POLG: variants seen among roughly 807,000 people sequenced by gnomAD.
POLG encodes the protein DNA polymerase gamma, catalytic subunit.
A neutral mutation model predicts 155.4 loss-of-function variants in POLG; 110 were observed. The ratio of observed to expected loss-of-function variants is 0.71; its 90% confidence interval spans 0.61 to 0.83. The LOEUF (loss-of-function observed/expected upper bound fraction) is 0.83, where lower values mean the gene tolerates loss of function less well. POLG is among the 40% of genes least tolerant of loss of function. The probability of loss-of-function intolerance (pLI) is 0.00; values close to 1 mark genes in which losing one functional copy is unlikely to be tolerated. For synonymous variants in POLG, 701 were observed against 631.5 expected (o/e 1.11, Z -1.65); for missense variants, 1,685 against 1,627.5 (o/e 1.04, Z -0.61).
Position 89,327,280 on chromosome 15 carries a change from G to A in POLG, c.1320C>T (p.Asn440=), listed in dbSNP as rs369593231. 37 of 1,614,214 alleles carry A rather than the reference G, an allele frequency of 2.3e-5. No individual in the cohort carries two copies. The African/African-American group carries it at 4.0e-4, about 17-fold the overall frequency. The part of the protein sequence containing the change: ...MGVSYLPVNQ[N]WERYLAEAQG... ...GTGCCTCTGCCAGGTAACGCTCCCAGTTCTGGTTGACAGGCAGGTAGGAGA... is the reference window on the plus strand; with the variant it reads ...GTGCCTCTGCCAGGTAACGCTCCCAATTCTGGTTGACAGGCAGGTAGGAGA... The change falls in exon 7 of 23, where the codon AAC becomes AAT. Residue 440 remains asparagine (N), a synonymous_variant. Coordinates refer to ENST00000268124, the MANE Select transcript of POLG (RefSeq NM_002693.3).
intron 22 of POLG, 82 bp downstream of exon 22, chr15:89,317,294 C>T: frequency 6.9e-7 from 1 of 1,449,432 alleles, no homozygotes; most frequent in South Asian, 1.2e-5. Context: ...CTCTGGGGCC[C>T]CAAGTTTCCT....
intron 1 of POLG, chr15:89,334,420 G>C (rs929928154): frequency 6.6e-6 from 1 of 151,680 alleles, no homozygotes; most frequent in Non-Finnish European, 1.5e-5. Context: ...ATTCGAACCC[G>C]CAGGGTGGGC....
rs1567189486 is a variant in POLG, at chr15:89,325,133, AGTG to A, written c.1949+314_1949+316del. Among the ~76,000 whole-genome samples, 35 of 73,796 alleles carry A rather than the reference AGTG, an allele frequency of 4.7e-4. 5 individuals are homozygous for A. The highest frequency in any genetic ancestry group is 1.7e-3 in the African/African-American group (30 of 17,772). 48.4% of individuals were successfully genotyped at this position (73,796 alleles called of 152,430 possible). On this transcript the variant is annotated intron_variant, in intron 10 of 22. Transcript: ENST00000268124. ...GAGAGAGTGAGTGAGTGAGTGAGAG[AGTG>A]AGTGAGAGAGTGAGTGAGTGAGTGA...
At chr15:89,316,881 G>A (rs896704748) in intron 22 of POLG, 54 bp from the exon 23 acceptor site, 7 of 1,292,902 alleles carry the variant, frequency 5.4e-6, no homozygotes, top group East Asian at 2.3e-5. Flanking sequence ...GTAACTGAGA[G>A]CTCAGAAGTG....
Position 89,323,396 on chromosome 15 carries a change from G to A in POLG, c.2265+8C>T, listed in dbSNP as rs1268070075. The A allele has an allele frequency of 6.3e-7, 1 of 1,583,478 alleles. No individual in the cohort carries two copies. The highest frequency in any genetic ancestry group is 1.1e-5 in the South Asian group (1 of 90,342). ...ACACCACAGGACAGGCCATGACCCA[G>A]GACACACCTTGTGAGGCAGCTTGAA... is the stretch of plus-strand genomic sequence containing the variant. On this transcript the variant is annotated splice_region_variant and intron_variant, in intron 13 of 22. Transcript: ENST00000268124.
At chr15:89,316,894 C>T in intron 22 of POLG, 67 bp from the exon 23 acceptor site, 1 of 1,147,198 alleles carries the variant, frequency 8.7e-7, no homozygotes, top group African/African-American at 1.5e-5. Flanking sequence ...CAGAAGTGAG[C>T]AAAGGAGCTT....
At chr15:89,329,548 T>G (rs1052539877) in intron 3 of POLG, among the ~76,000 whole-genome samples, 17 of 152,322 alleles carry the variant, frequency 1.1e-4, no homozygotes, top group Non-Finnish European at 1.9e-4. Flanking sequence ...TGCTCTCCCC[T>G]GCCTGGCCTA....
intron 21 of POLG, 71 bp from the exon 22 acceptor site, chr15:89,317,607 G>A: frequency 6.9e-7 from 1 of 1,447,086 alleles, no homozygotes; most frequent in East Asian, 2.3e-5. Context: ...CTGGAGCAAT[G>A]ACCCCACACC....
At position 89,328,842 on chromosome 15, in the gene POLG, A is replaced by G. The variant is rs111879000; in HGVS notation, c.1024-11T>C. 4 of 1,614,080 alleles carry G rather than the reference A, an allele frequency of 2.5e-6. No individual in the cohort carries two copies. The highest frequency in any genetic ancestry group is 3.4e-6 in the Non-Finnish European group (4 of 1,180,040). On this transcript the variant is annotated splice_polypyrimidine_tract_variant and intron_variant, in intron 4 of 22. Coordinates refer to ENST00000268124, the MANE Select transcript of POLG (RefSeq NM_002693.3). ...GTCCCAGGATGAGATCTGGGGAACC[A>G]GAGCAAGGGACATGGCAGATCAGCC...
In POLG at chr15:89,320,639, GT is replaced by G. The variant is rs534080998; in HGVS notation, c.2981+126del. The G allele has an allele frequency of 9.4e-5, 100 of 1,061,576 alleles. No individual in the cohort carries two copies. In the African/African-American group the frequency reaches 1.0e-3, roughly 11 times the overall value. 65.8% of individuals were successfully genotyped at this position (1,061,576 alleles called of 1,614,324 possible). Reference sequence around the variant, plus strand: ...CATCCTGGAACCAGGTTACACAGGTGTGGAAGGAGAGGGGCTAGGTGAGAGT... The same window carrying G: ...CATCCTGGAACCAGGTTACACAGGTGGGAAGGAGAGGGGCTAGGTGAGAGT... On this transcript the variant is annotated intron_variant, in intron 18 of 22. Coordinates refer to ENST00000268124, the MANE Select transcript of POLG (RefSeq NM_002693.3).
intron 10 of POLG, among the ~76,000 whole-genome samples, chr15:89,325,079 AGTGAGAGAGT>A (rs2055463004): frequency 2.9e-5 from 3 of 102,544 alleles, no homozygotes; most frequent in African/African-American, 1.5e-4. Context: ...TGAGTGAGTG[AGTGAGAGAGT>A]GAGTGAGTGA....
intron 21 of POLG, chr15:89,318,175 A>G (rs561337681): frequency 1.5e-4 from 35 of 226,802 alleles, no homozygotes; most frequent in Admixed American, 1.2e-3. Context: ...GAAAACATTT[A>G]TGGGAGAAAG....
chr15:89,328,959 G>A lies in POLG; in HGVS notation c.1007C>T (p.Ala336Val). The A allele has an allele frequency of 6.2e-7, 1 of 1,614,058 alleles. No homozygotes were observed. Among genetic ancestry groups the A allele is most frequent in the Non-Finnish European group, 8.5e-7 (1 of 1,180,048 alleles). Reference sequence around the variant, plus strand: ...TGCTCTCACCGCTGGGCCTCTTCTGGCTTTCCTCTGGGACTTCTGGCCTTG... The same window carrying A: ...TGCTCTCACCGCTGGGCCTCTTCTGACTTTCCTCTGGGACTTCTGGCCTTG... ...TKQGQKSQRK[A>V]RRGPAISSWD... Residue 336 changes from alanine to valine, a missense_variant, in exon 4 of 23, where the codon GCC becomes GTC. Physicochemically the swap from Ala to Val is moderately conservative, Grantham distance 64 (BLOSUM62 0). This residue lies in a region of POLG where 1,210 missense variants were observed against 1,167.1 expected (regional missense o/e 1.04). Coordinates refer to ENST00000268124, the MANE Select transcript of POLG (RefSeq NM_002693.3).
In POLG at chr15:89,316,733, CAG is replaced by C; in HGVS notation, c.*16_*17del. ...CGATGAAGCTCCACGGGAGCAAATACAGAGCCTCCAGGCAGTGCTATGGTCCA... is the reference window on the plus strand; with the variant it reads ...CGATGAAGCTCCACGGGAGCAAATACAGCCTCCAGGCAGTGCTATGGTCCA... On this transcript the variant is annotated 3_prime_UTR_variant, in exon 23 of 23. Coordinates refer to ENST00000268124, the MANE Select transcript of POLG (RefSeq NM_002693.3). The C allele has an allele frequency of 1.2e-6, 2 of 1,601,146 alleles. No homozygotes were observed. The highest frequency in any genetic ancestry group is 1.7e-6 in the Non-Finnish European group (2 of 1,168,086).
At chr15:89,325,053 T>TGAGTGAGTGA (rs1555453276) in intron 10 of POLG, among the ~76,000 whole-genome samples, 1 of 87,572 alleles carries the variant, frequency 1.1e-5, no homozygotes, top group African/African-American at 6.5e-5. Flanking sequence ...AGTGAGTGAG[T>TGAGTGAGTGA]GAGAGAGTGA....
chr15:89,334,514 C>T (rs1407987155), intron 1 of POLG, 159 bp downstream of exon 1: 10 of 152,216 alleles, frequency 6.6e-5, no homozygotes, highest in Admixed American at 5.9e-4. Flanking sequence ...GGCGGCCACC[C>T]CCGTGCGCCC....
intron 10 of POLG, among the ~76,000 whole-genome samples, chr15:89,325,039 AGTGAGT>A (rs1389377777): frequency 3.6e-5 from 2 of 56,022 alleles, no homozygotes; most frequent in African/African-American, 1.4e-4. Flanking sequence ...GAACCCAGAG[AGTGAGT>A]GAGTGAGTGA....
At position 89,328,746 on chromosome 15, in the gene POLG, T is replaced by A; in HGVS notation, c.1109A>T (p.Glu370Val). 6.2e-7 allele frequency: 1 copy of A among 1,614,146 alleles called. No individual in the cohort carries two copies. The highest frequency in any genetic ancestry group is 8.5e-7 in the Non-Finnish European group (1 of 1,180,032). ...HRLYVGGPPLEKEPRELFVKG... is the reference protein window; with the variant it reads ...HRLYVGGPPLVKEPRELFVKG... ...CACAAACAGTTCTCGAGGCTCCTTCTCTAAGGGAGGCCCCCCTACATAAAG... is the reference window on the plus strand; with the variant it reads ...CACAAACAGTTCTCGAGGCTCCTTCACTAAGGGAGGCCCCCCTACATAAAG... Residue 370 changes from glutamate (E) to valine (V), a missense_variant, in exon 5 of 23, where the codon GAG becomes GTG. This residue lies in a region of POLG where 1,210 missense variants were observed against 1,167.1 expected (regional missense o/e 1.04). Coordinates refer to ENST00000268124, the MANE Select transcript of POLG (RefSeq NM_002693.3).
rs62022598 is a variant in POLG, at chr15:89,325,259, T to A, written c.1949+191A>T. On this transcript the variant is annotated intron_variant, in intron 10 of 22. Transcript: ENST00000268124. Reference sequence around the variant, plus strand: ...GAGAGTGAGTGAGTGAGAGAGAGAGTGAGTGAGTGAGTGAGAGAGAGAGAA... The same window carrying A: ...GAGAGTGAGTGAGTGAGAGAGAGAGAGAGTGAGTGAGTGAGAGAGAGAGAA... 0.016 allele frequency among the ~76,000 whole-genome samples: 1,313 copies of A among 80,172 alleles called. 238 individuals carry two copies. Among genetic ancestry groups the A allele is most frequent in the African/African-American group, 0.028 (363 of 12,746 alleles). 52.6% of individuals were successfully genotyped at this position (80,172 alleles called of 152,430 possible).
Sources: gnomAD v4.1 joint callset for allele counts (sites outside exome capture counted in the v4.1 genomes callset) on GRCh38, gnomAD v4.1.1 for gene constraint, gnomAD v4.1.1 regional missense constraint, MANE v1.5 for transcripts, NCBI Gene and HGNC (gene_info 2026-07-23, HGNC 2026-07-21) for gene names.